DHX35: variants seen among roughly 807,000 people sequenced by gnomAD.
The protein encoded by DHX35 is probable ATP-dependent RNA helicase DHX35.
Under a neutral mutation model 99.6 loss-of-function variants are expected in DHX35, and 84 were observed. That is an observed-to-expected ratio of 0.84 (90% CI 0.71 to 1.01). DHX35 has a LOEUF of 1.01. Ranked by LOEUF, DHX35 falls within the 50% of genes least tolerant of loss-of-function variation. The pLI, the probability that DHX35 is intolerant of heterozygous loss-of-function variation, is 0.00. For missense variants in DHX35, 852 were observed against 888.5 expected (o/e 0.96, Z 0.52); for synonymous variants, 331 against 316.2 (o/e 1.05, Z -0.50).
intron 9 of DHX35, 113 bp downstream of exon 9, chr20:39,001,955 G>A: frequency 1.2e-6 from 1 of 863,660 alleles, no homozygotes; most frequent in Middle Eastern, 2.3e-4. Context: ...AGCATGTTTT[G>A]TGTCCCTAGT....
intron 19 of DHX35, chr20:39,029,450 T>C (rs2087010323): frequency 6.6e-6 from 1 of 151,140 alleles, no homozygotes. Context: ...AGTAGCCGAC[T>C]GTTGGAACTG....
At chr20:39,034,099 CAT>C in intron 20 of DHX35, 105 bp from the exon 21 acceptor site, 1 of 785,302 alleles carries the variant, frequency 1.3e-6, no homozygotes, top group Admixed American at 2.0e-5. Flanking sequence ...GTGTCTGGCA[CAT>C]AGAGTAGAAC....
In DHX35 at chr20:38,969,316, G is replaced by A. The variant is rs2085959019; in HGVS notation, c.174+102G>A. On this transcript the variant is annotated intron_variant, in intron 2 of 21. Transcript: ENST00000252011. ...AATGATGGCCTCTTTCTAGAACACA[G>A]TGAGCTCAGAGAAACCCTTACTGTA... 7 of 1,363,076 alleles carry A rather than the reference G, an allele frequency of 5.1e-6. No individual in the cohort carries two copies. In the South Asian group the frequency reaches 1.3e-4, roughly 25 times the overall value. 84.4% of individuals were successfully genotyped at this position (1,363,076 alleles called of 1,614,324 possible). A position where few individuals can be genotyped will look rare whatever the true frequency, so the allele number is the denominator to read the frequency against.
At position 39,039,382 on chromosome 20, in the gene DHX35, T is replaced by C. The variant is rs904745489; in HGVS notation, c.*839T>C. On this transcript the variant is annotated 3_prime_UTR_variant, in exon 22 of 22. Coordinates refer to ENST00000252011, the MANE Select transcript of DHX35 (RefSeq NM_021931.4). Reference sequence around the variant, plus strand: ...AGCTCAGGAACATCACTGGTGTATTTGTTTTTTTGTTTGTTTGCTTGGGTT... The same window carrying C: ...AGCTCAGGAACATCACTGGTGTATTCGTTTTTTTGTTTGTTTGCTTGGGTT... The C allele has an allele frequency of 5.2e-5, 8 of 152,760 alleles. No individual in the cohort carries two copies. The highest frequency in any genetic ancestry group is 1.9e-4 in the African/African-American group (8 of 41,570). The allele number at this position is 152,760 out of a possible 1,614,324, so 9.5% of individuals were successfully genotyped here. A position where few individuals can be genotyped will look rare whatever the true frequency, so the allele number is the denominator to read the frequency against.
chr20:39,018,982 A>G lies in DHX35; in HGVS notation c.1498+83A>G. On this transcript the variant is annotated intron_variant, in intron 15 of 21. Transcript: ENST00000252011. ...GCCTGAATTCTGAGCACCCTGGGGA[A>G]GAGGGTACAATATGGTAAAGAAGTA... is the stretch of plus-strand genomic sequence containing the variant. 4.0e-6 allele frequency: 5 copies of G among 1,262,108 alleles called. No homozygotes were observed. In the Admixed American group the frequency reaches 8.7e-5, roughly 22 times the overall value. 78.2% of individuals were successfully genotyped at this position (1,262,108 alleles called of 1,614,324 possible). A position where few individuals can be genotyped will look rare whatever the true frequency, so the allele number is the denominator to read the frequency against.
intron 12 of DHX35, among the ~76,000 whole-genome samples, chr20:39,007,945 A>G (rs558206915): frequency 1.3e-5 from 2 of 152,324 alleles, no homozygotes; most frequent in East Asian, 3.9e-4. Context: ...AAAGTGAACA[A>G]TTTATTATAT....
intron 21 of DHX35, among the ~76,000 whole-genome samples, chr20:39,035,110 C>T (rs2087127476): frequency 6.6e-6 from 1 of 151,744 alleles, no homozygotes; most frequent in African/African-American, 2.4e-5. Flanking sequence ...CTTGCCCTGT[C>T]ATCCTGGCTG....
chr20:38,969,062 A>G lies in DHX35; in HGVS notation c.41-19A>G, dbSNP rs748175409. On this transcript the variant is annotated intron_variant, in intron 1 of 21. Coordinates refer to ENST00000252011, the MANE Select transcript of DHX35 (RefSeq NM_021931.4). ...TTCATTGTATCAGAGAATCTGAAAA[A>G]AAAACATTTCTGCTGCAGGTACAGA... The G allele has an allele frequency of 6.3e-7, 1 of 1,574,990 alleles. No individual in the cohort carries two copies. Among genetic ancestry groups the G allele is most frequent in the Non-Finnish European group, 8.6e-7 (1 of 1,161,106 alleles).
At position 38,987,643 on chromosome 20, in the gene DHX35, T is replaced by C. The variant is rs1266518366; in HGVS notation, c.346-1170T>C. Reference sequence around the variant, plus strand: ...TAATAAGTTAACTTTTGAATAGCCTTCTTGGGGGAATGCAGAGATCTTGCT... The same window carrying C: ...TAATAAGTTAACTTTTGAATAGCCTCCTTGGGGGAATGCAGAGATCTTGCT... On this transcript the variant is annotated intron_variant, in intron 4 of 21. Transcript: ENST00000252011. Among the ~76,000 whole-genome samples the C allele has an allele frequency of 2.0e-5, 3 of 152,252 alleles. No individual in the cohort carries two copies. In the East Asian group the frequency reaches 5.8e-4, roughly 29 times the overall value.
At chr20:39,022,053 G>C in intron 16 of DHX35, 118 bp downstream of exon 16, 1 of 922,986 alleles carries the variant, frequency 1.1e-6, no homozygotes, top group Non-Finnish European at 1.7e-6. Context: ...ATCTGCTCAT[G>C]TTTTGAGTGT....
At position 39,006,296 on chromosome 20, in the gene DHX35, A is replaced by T; in HGVS notation, c.1162A>T (p.Asn388Tyr). 6.2e-7 allele frequency: 1 copy of T among 1,614,148 alleles called. No homozygotes were observed. The highest frequency in any genetic ancestry group is 8.5e-7 in the Non-Finnish European group (1 of 1,180,014). ...GGTGCCAGTCTCCCAGGCATCAGCT[A>T]ATCAGCGAGCAGGACGTGGTGGTCG... ...VVVPVSQASANQRAGRGGRSR... is the reference protein window; with the variant it reads ...VVVPVSQASAYQRAGRGGRSR... The change falls in exon 12 of 22, where the codon AAT becomes TAT. Residue 388 changes from asparagine to tyrosine, a missense_variant. By Grantham distance (143) the Asn-to-Tyr change is moderately radical (BLOSUM62 -2). Coordinates refer to ENST00000252011, the MANE Select transcript of DHX35 (RefSeq NM_021931.4).
intron 4 of DHX35, among the ~76,000 whole-genome samples, chr20:38,985,547 TAAG>T (rs1367976849): frequency 8.5e-5 from 13 of 152,148 alleles, no homozygotes; most frequent in Non-Finnish European, 1.9e-4. Flanking sequence ...GGTGTTCAAT[TAAG>T]AAGTTATACA....
At chr20:38,977,815 G>A (rs186624353) in intron 3 of DHX35, 25 of 540,784 alleles carry the variant, frequency 4.6e-5, no homozygotes, top group Admixed American at 2.9e-4. Context: ...CTTGGTGTTG[G>A]TGGTATTGAG....
chr20:38,999,721 G>C (rs777592993), intron 8 of DHX35, among the ~76,000 whole-genome samples: 3 of 152,184 alleles, frequency 2.0e-5, no homozygotes, highest in Non-Finnish European at 2.9e-5. Context: ...GCACTATTAT[G>C]ATAGCTTCAT....
chr20:38,991,432 G>A, intron 5 of DHX35, 22 bp from the exon 6 acceptor site: 1 of 1,607,508 alleles, frequency 6.2e-7, no homozygotes, highest in Non-Finnish European at 8.5e-7. Context: ...TATTTCTAAA[G>A]CTTTGTGTTT....
Position 39,006,376 on chromosome 20 carries a change from A to G in DHX35, c.1222+20A>G. The G allele has an allele frequency of 6.2e-7, 1 of 1,609,138 alleles. No individual in the cohort carries two copies. The highest frequency in any genetic ancestry group is 8.5e-7 in the Non-Finnish European group (1 of 1,175,930). On this transcript the variant is annotated intron_variant, in intron 12 of 21. Transcript: ENST00000252011. ...ATACAGGTTAGTGTGGCTTTCCCTA[A>G]GGGTTTTTGACTTTCTTATAGTCAG...
At chr20:39,037,926 A>G (rs538135948) in intron 21 of DHX35, among the ~76,000 whole-genome samples, 30 of 98,654 alleles carry the variant, frequency 3.0e-4, no homozygotes, top group East Asian at 1.5e-3. Context: ...ATTTCTGGGG[A>G]AAAAAAAAAG....
At chr20:38,996,645 T>C (rs2086434090) in intron 8 of DHX35, among the ~76,000 whole-genome samples, 1 of 152,168 alleles carries the variant, frequency 6.6e-6, no homozygotes, top group Admixed American at 6.5e-5. Flanking sequence ...GGCTCCTGGC[T>C]CCTAGTCTCC....
rs1260712646 is a variant in DHX35, at chr20:39,039,030, G to GA, written c.*488dup. 6.2e-6 allele frequency: 1 copy of GA among 161,652 alleles called. No homozygotes were observed. Among genetic ancestry groups the GA allele is most frequent in the Non-Finnish European group, 1.3e-5 (1 of 74,622 alleles). 10.0% of individuals were successfully genotyped at this position (161,652 alleles called of 1,614,324 possible). On this transcript the variant is annotated 3_prime_UTR_variant, in exon 22 of 22. Transcript: ENST00000252011. ...CTCTACGAATGAACGAAACATTGGG[G>GA]ATCTCTGCCGAAACCACCAAAGGGC...
Sources: allele counts gnomAD v4.1 joint callset (sites outside exome capture counted in the v4.1 genomes callset), GRCh38; gene constraint gnomAD v4.1.1; transcripts MANE v1.5; gene names NCBI Gene and HGNC (gene_info 2026-07-23, HGNC 2026-07-21).